Variants in ACTN4 observed in about 807,000 individuals in gnomAD.
The protein encoded by ACTN4 is actinin alpha 4, also known as alpha-actinin-4.
ACTN4 carries 18 observed loss-of-function variants against 114.2 expected under a neutral mutation model. The ratio of observed to expected loss-of-function variants is 0.16; its 90% CI spans 0.11 to 0.23. The LOEUF (loss-of-function observed/expected upper bound fraction) is 0.23, where lower values mean the gene tolerates loss of function less well. Ranked by LOEUF, ACTN4 falls within the 10% of genes least tolerant of loss-of-function variation. The probability of loss-of-function intolerance (pLI) is 1.00; values close to 1 mark genes in which losing one functional copy is unlikely to be tolerated. For missense variants in ACTN4, 722 were observed against 1,262.9 expected (o/e 0.57, Z 6.49); for synonymous variants, 515 against 506.3 (o/e 1.02, Z -0.23).
rs763322376 is a variant in ACTN4 at position 38,706,134 on chromosome 19, A to G, written c.572+3A>G. The G allele has an allele frequency of 1.7e-5, 28 of 1,613,314 alleles. No individual in the cohort carries two copies. Among genetic ancestry groups the G allele is most frequent in the Admixed American group, 5.0e-5 (3 of 59,996 alleles). On this transcript the variant is annotated splice_donor_region_variant and intron_variant, in intron 5 of 20. Transcript: ENST00000252699. The stretch of plus-strand genomic sequence containing the variant: ...AATGTGCAGAACTTCCACATCAGGT[A>G]AGCGCCAGTCCTGGTCATCCTCTCC...
At chr19:38,684,276 G>A (rs77129448) in intron 1 of ACTN4, among the ~76,000 whole-genome samples, 3,378 of 152,238 alleles carry the variant, frequency 0.022, 71 homozygotes, top group Admixed American at 0.057. Flanking sequence ...GCTGTTGTTG[G>A]TTCAGGCTCA....
chr19:38,698,778 GC>G (rs1278340454), intron 1 of ACTN4, among the ~76,000 whole-genome samples: 1 of 152,204 alleles, frequency 6.6e-6, no homozygotes, highest in East Asian at 1.9e-4. Context: ...GTCCACTCTT[GC>G]CCCCTTTCGG....
rs935640416 is a variant in ACTN4, at chr19:38,731,499, T to A, written c.*2067T>A. On this transcript the variant is annotated 3_prime_UTR_variant, in exon 21 of 21. Coordinates refer to ENST00000252699, the MANE Select transcript of ACTN4 (RefSeq NM_004924.6). ...CACGTGACTCGATGTGTGGGTACTG[T>A]TACTCCTTAAATCCTGTGGGGCTTT... 43 of 508,310 alleles carry A rather than the reference T, an allele frequency of 8.5e-5. 1 individual carries two copies. The highest frequency in any genetic ancestry group is 8.0e-4 in the African/African-American group (42 of 52,312). 31.5% of individuals were successfully genotyped at this position (508,310 alleles called of 1,614,324 possible).
rs1385848363 is a variant in ACTN4 at position 38,700,899 on chromosome 19, C to T, written c.278-103C>T. The T allele has an allele frequency of 3.3e-6, 5 of 1,533,796 alleles. No individual in the cohort carries two copies. The East Asian group carries it at 9.5e-5, about 29-fold the overall frequency. On this transcript the variant is annotated intron_variant, in intron 2 of 20. Coordinates refer to ENST00000252699, the MANE Select transcript of ACTN4 (RefSeq NM_004924.6). The stretch of plus-strand genomic sequence containing the variant: ...CCTGGTGGGCCAGCAGAGGAACCTG[C>T]TTTTGGAGAACAGAGGAGACTCTAA...
At chr19:38,678,634 C>T (rs1255914369) in intron 1 of ACTN4, among the ~76,000 whole-genome samples, 2 of 152,198 alleles carry the variant, frequency 1.3e-5, no homozygotes, top group Non-Finnish European at 2.9e-5. Flanking sequence ...CTGGCTCTCT[C>T]CGGGCCATGG....
At chr19:38,700,832 C>T in intron 2 of ACTN4, 118 bp downstream of exon 2, 8 of 1,372,112 alleles carry the variant, frequency 5.8e-6, no homozygotes, top group Non-Finnish European at 8.1e-6. Flanking sequence ...GAGGGCACCC[C>T]TTAATAGCTG....
At chr19:38,698,020 C>T (rs1285772121) in intron 1 of ACTN4, among the ~76,000 whole-genome samples, 1 of 152,176 alleles carries the variant, frequency 6.6e-6, no homozygotes, top group Non-Finnish European at 1.5e-5. Context: ...AGAGAAAGCT[C>T]ATGTGCATGC....
intron 1 of ACTN4, among the ~76,000 whole-genome samples, chr19:38,677,053 G>T (rs900785826): frequency 6.6e-6 from 1 of 152,108 alleles, no homozygotes; most frequent in Admixed American, 6.5e-5. Context: ...GCCTCCTGAG[G>T]GACTTCACAC....
At chr19:38,657,438 C>T (rs982351870) in intron 1 of ACTN4, among the ~76,000 whole-genome samples, 5 of 152,108 alleles carry the variant, frequency 3.3e-5, no homozygotes, top group East Asian at 3.9e-4. Context: ...CCACTGTGCC[C>T]GAACTAATTT....
intron 1 of ACTN4, among the ~76,000 whole-genome samples, chr19:38,685,121 T>G (rs975247517): frequency 1.3e-5 from 2 of 152,126 alleles, no homozygotes; most frequent in Non-Finnish European, 2.9e-5. Flanking sequence ...AATTTTTGTA[T>G]TTTTAGTAGA....
In ACTN4 at chr19:38,724,002, C is replaced by A; in HGVS notation, c.1617C>A (p.Pro539=). The change falls in exon 14 of 21, where the codon CCC becomes CCA. Residue 539 remains proline (P), a synonymous_variant. Transcript: ENST00000252699. This position sits in a 1 kb window ranked among gnomAD's most constrained non-coding sequence, Gnocchi z 7.0. The part of the protein sequence containing the change: ...LHLEYAKRAA[P]FNNWMESAME... ...TGGAATACGCCAAGCGCGCGGCCCC[C>A]TTCAACAACTGGATGGAGAGCGCCA... is the stretch of plus-strand genomic sequence containing the variant. 1 of 1,613,890 alleles carries A rather than the reference C, an allele frequency of 6.2e-7. No homozygotes were observed.
At position 38,673,487 on chromosome 19, in the gene ACTN4, TCA is replaced by T. The variant is rs1491448859; in HGVS notation, c.162+25581_162+25582del. Among the ~76,000 whole-genome samples the T allele has an allele frequency of 2.8e-4, 24 of 87,152 alleles. 1 individual carries two copies. Among genetic ancestry groups the T allele is most frequent in the African/African-American group, 8.4e-4 (22 of 26,062 alleles). The allele number at this position is 87,152 out of a possible 152,430, so 57.2% of individuals were successfully genotyped here. ...TATTTATATATATTTATATATATAT[TCA>T]TATATATTTATATATATGAATATAT... On this transcript the variant is annotated intron_variant, in intron 1 of 20. Transcript: ENST00000252699.
At position 38,717,829 on chromosome 19, in the gene ACTN4, C is replaced by T. The variant is rs1006148354; in HGVS notation, c.1144-98C>T. 5 of 1,503,996 alleles carry T rather than the reference C, an allele frequency of 3.3e-6. No homozygotes were observed. The highest frequency in any genetic ancestry group is 2.3e-4 in the Middle Eastern group (1 of 4,290). 93.2% of individuals were successfully genotyped at this position (1,503,996 alleles called of 1,614,324 possible). A position where few individuals can be genotyped will look rare whatever the true frequency, so the allele number is the denominator to read the frequency against. ...AAGCATGACACAGACATGACCCCAG[C>T]CAAGTTCTGCCACCTTCCCATCAGC... On this transcript the variant is annotated intron_variant, in intron 10 of 20. Coordinates refer to ENST00000252699, the MANE Select transcript of ACTN4 (RefSeq NM_004924.6). The surrounding 1 kb of genome is among the most constrained non-coding windows in gnomAD (Gnocchi z 4.0).
intron 5 of ACTN4, 57 bp downstream of exon 5, chr19:38,706,188 C>A (rs1196141378): frequency 6.5e-7 from 1 of 1,542,400 alleles, no homozygotes; most frequent in Non-Finnish European, 9.0e-7. Context: ...GATCCTTCCT[C>A]CCACCTGCCC....
Position 38,729,423 on chromosome 19 carries a change from C to T in ACTN4, c.2727C>T (p.Ser909=), listed in dbSNP as rs752726728. 12 of 1,612,686 alleles carry T rather than the reference C, an allele frequency of 7.4e-6. No individual in the cohort carries two copies. The highest frequency in any genetic ancestry group is 4.0e-5 in the African/African-American group (3 of 74,910). The change falls in exon 21 of 21, where the codon AGC becomes AGT. Residue 909 remains serine, a synonymous_variant. Coordinates refer to ENST00000252699, the MANE Select transcript of ACTN4 (RefSeq NM_004924.6). The part of the protein sequence containing the change: ...KSFSTALYGE[S]DL ...TCTCCACGGCCTTGTATGGCGAGAG[C>T]GACCTGTGAGGCCCCAGAGACCTGA... is the stretch of plus-strand genomic sequence containing the variant.
At chr19:38,726,626 A>AAAAAAG (rs1969240901) in intron 17 of ACTN4, among the ~76,000 whole-genome samples, 1 of 152,196 alleles carries the variant, frequency 6.6e-6, no homozygotes, top group South Asian at 2.1e-4. Flanking sequence ...GATGCTTCAA[A>AAAAAAG]CCAGAGTTGG....
intron 1 of ACTN4, among the ~76,000 whole-genome samples, chr19:38,684,886 GA>G (rs998960545): frequency 6.0e-5 from 9 of 149,990 alleles, no homozygotes; most frequent in Admixed American, 6.6e-5. Context: ...ATTGTCAAGG[GA>G]AAAAAAAAGA....
At chr19:38,703,966 A>G (rs1309283772) in intron 3 of ACTN4, among the ~76,000 whole-genome samples, 1 of 152,162 alleles carries the variant, frequency 6.6e-6, no homozygotes, top group Non-Finnish European at 1.5e-5. Context: ...TGCCCAGAGG[A>G]TGCAGCTAGA....
At chr19:38,728,303 G>A (rs756638987) in intron 19 of ACTN4, 69 of 1,521,362 alleles carry the variant, frequency 4.5e-5, no homozygotes, top group Middle Eastern at 3.4e-4. Context: ...CTATGCCTGC[G>A]TCCTCGGAGC....
Sources: gnomAD v4.1 joint callset for allele counts (sites outside exome capture counted in the v4.1 genomes callset) on GRCh38, gnomAD v4.1.1 for gene constraint, Gnocchi (gnomAD v3.1) non-coding constraint, MANE v1.5 for transcripts, NCBI Gene and HGNC (gene_info 2026-07-23, HGNC 2026-07-21) for gene names.